The following ASMT variants were observed in gnomAD, a reference collection of about 807,000 sequenced individuals.
ASMT encodes the protein acetylserotonin N-methyltransferase.
A neutral mutation model predicts 41.3 loss-of-function variants in ASMT; 53 were observed. The ratio of observed to expected loss-of-function variants is 1.28; its 90% CI spans 1.03 to 1.61. The LOEUF (loss-of-function observed/expected upper bound fraction) is 1.61, where lower values mean the gene tolerates loss of function less well. Among genes scored for constraint, ASMT ranks in the 40% most tolerant of loss-of-function variants. The pLI is 0.00. For missense variants in ASMT, 531 were observed against 441.3 expected, an observed-to-expected ratio of 1.20 and a Z score of -1.82; for synonymous variants, 231 against 184.8, an observed-to-expected ratio of 1.25 and a Z score of -2.03.
rs541895277 is a variant in ASMT, at chrX:1,615,409, G to A, written c.69+141G>A. The A allele has an allele frequency of 5.4e-5, 48 of 884,872 alleles. No individual in the cohort carries two copies. The South Asian group carries it at 5.7e-4, about 10-fold the overall frequency. The allele number at this position is 884,872 out of a possible 1,614,324, so 54.8% of individuals were successfully genotyped here. The stretch of plus-strand genomic sequence containing the variant: ...TCCACCGTGAAAGACGTACACCCAC[G>A]ATGTAGCCTCAGGAGTTCCTGAGGA... On this transcript the variant is annotated intron_variant, in intron 1 of 8. Coordinates refer to ENST00000381241, the MANE Select transcript of ASMT (RefSeq NM_001171038.2).
At chrX:1,615,545 G>C (rs753420776) in intron 1 of ASMT, among the ~76,000 whole-genome samples, 2 of 152,186 alleles carry the variant, frequency 1.3e-5, no homozygotes, top group South Asian at 4.2e-4. Context: ...GCTCACACCT[G>C]TGATCCCAGC....
chrX:1,619,561 AATAATAATAATAAT>A (rs1482811490), intron 1 of ASMT, among the ~76,000 whole-genome samples: 2 of 141,454 alleles, frequency 1.4e-5, no homozygotes, highest in African/African-American at 5.5e-5. Flanking sequence ...TAATAATAAT[AATAATAATAATAAT>A]AATAATAATA....
chrX:1,624,154 G>A, intron 2 of ASMT, 115 bp from the exon 3 acceptor site: 1 of 1,379,470 alleles, frequency 7.2e-7, no homozygotes, highest in Non-Finnish European at 1.0e-6. Context: ...CATCTCTAAA[G>A]AAGAGATGGG....
At chrX:1,635,037 G>T (rs7877431) in intron 7 of ASMT, among the ~76,000 whole-genome samples, 8,683 of 131,484 alleles carry the variant, frequency 0.066, 458 homozygotes, top group South Asian at 0.13. Context: ...TGCAGTGGTG[G>T]GATCTCGGCT....
At chrX:1,627,824 T>G in intron 4 of ASMT, 53 bp downstream of exon 4, 1 of 1,548,276 alleles carries the variant, frequency 6.5e-7, no homozygotes, top group Non-Finnish European at 8.9e-7. Flanking sequence ...TGTTTATTTT[T>G]AAAGGACTTA....
At chrX:1,632,926 G>T in intron 6 of ASMT, 139 bp downstream of exon 6, 1 of 635,798 alleles carries the variant, frequency 1.6e-6, no homozygotes, top group Non-Finnish European at 2.9e-6. Context: ...CGAGTCGATG[G>T]GTGCAGCAAA....
chrX:1,629,860 G>A lies in ASMT; in HGVS notation c.483G>A (p.Gln161=), dbSNP rs1934704334. 1.9e-6 allele frequency: 3 copies of A among 1,614,008 alleles called. No homozygotes were observed. Among genetic ancestry groups the A allele is most frequent in the Non-Finnish European group, 2.5e-6 (3 of 1,179,878 alleles). ...GGCTACAGTTCATGCAAGCTCTGCA[G>A]GAGGTCTGGAGCGTCAACGGGAGAA... is the stretch of plus-strand genomic sequence containing the variant. ...GERLQFMQAL[Q]EVWSVNGRSV... Residue 161 remains glutamine, a synonymous_variant, in exon 5 of 9, where the codon CAG becomes CAA. Coordinates refer to ENST00000381241, the MANE Select transcript of ASMT (RefSeq NM_001171038.2).
At chrX:1,615,757 G>T (rs191490685) in intron 1 of ASMT, among the ~76,000 whole-genome samples, 2 of 151,516 alleles carry the variant, frequency 1.3e-5, no homozygotes, top group South Asian at 2.1e-4. Context: ...AGCCGAGATC[G>T]CACCACTGCA....
Position 1,623,863 on chromosome X carries a change from G to A in ASMT, c.245-406G>A, listed in dbSNP as rs771876962. The stretch of plus-strand genomic sequence containing the variant: ...AGGATTTCGTCACGTTGGCCAGGCC[G>A]GTCTCGAGCTCCTGACCTCAGGTGA... On this transcript the variant is annotated intron_variant, in intron 2 of 8. Transcript: ENST00000381241. Among the ~76,000 whole-genome samples, 8 of 152,112 alleles carry A rather than the reference G, an allele frequency of 5.3e-5. No individual in the cohort carries two copies. The South Asian group carries it at 1.5e-3, about 28-fold the overall frequency.
Position 1,629,937 on chromosome X carries a change from G to C in ASMT, c.560G>C (p.Gly187Ala). The part of the protein sequence containing the change: ...LSVFPLMCDL[G>A]GTWIKLETII... Reference sequence around the variant, plus strand: ...GTGTTCCCACTTATGTGTGACCTTGGTGGTAAGTACCCCTCACCACTAATA... The same window carrying C: ...GTGTTCCCACTTATGTGTGACCTTGCTGGTAAGTACCCCTCACCACTAATA... Residue 187 changes from glycine to alanine, a missense_variant and splice_region_variant, in exon 5 of 9, where the codon GGT becomes GCT. Physicochemically the swap from Gly to Ala is moderately conservative, Grantham distance 60. Transcript: ENST00000381241. The C allele has an allele frequency of 6.2e-7, 1 of 1,613,336 alleles. No homozygotes were observed.
chrX:1,632,772 G>A lies in ASMT; in HGVS notation c.631G>A (p.Val211Met), dbSNP rs1464275912. 2.8e-5 allele frequency: 10 copies of A among 358,124 alleles called. No individual in the cohort carries two copies. The highest frequency in any genetic ancestry group is 8.3e-5 in the African/African-American group (4 of 48,484). The allele number at this position is 358,124 out of a possible 1,614,324, so 22.2% of individuals were successfully genotyped here. Reference sequence around the variant, plus strand: ...GCAAGGACAGAAAACCAAACACCGCGTGTTCTCACTCATAGGTGGGAACTG... The same window carrying A: ...GCAAGGACAGAAAACCAAACACCGCATGTTCTCACTCATAGGTGGGAACTG... ...LSQGQKTKHRVFSLIGGAGAL... is the reference protein window; with the variant it reads ...LSQGQKTKHRMFSLIGGAGAL... The change falls in exon 6 of 9, where the codon GTG becomes ATG. Residue 211 changes from valine to methionine, a missense_variant. Val to Met is a conservative substitution (Grantham distance 21). Coordinates refer to ENST00000381241, the MANE Select transcript of ASMT (RefSeq NM_001171038.2).
At position 1,629,857 on chromosome X, in the gene ASMT, G is replaced by T; in HGVS notation, c.480G>T (p.Leu160=). The change falls in exon 5 of 9, where the codon CTG becomes CTT. Residue 160 remains leucine (L), a synonymous_variant. Transcript: ENST00000381241. The part of the protein sequence containing the change: ...EGERLQFMQA[L]QEVWSVNGRS... Reference sequence around the variant, plus strand: ...AGCGGCTACAGTTCATGCAAGCTCTGCAGGAGGTCTGGAGCGTCAACGGGA... The same window carrying T: ...AGCGGCTACAGTTCATGCAAGCTCTTCAGGAGGTCTGGAGCGTCAACGGGA... The T allele has an allele frequency of 1.9e-6, 3 of 1,613,974 alleles. No individual in the cohort carries two copies. The highest frequency in any genetic ancestry group is 2.5e-6 in the Non-Finnish European group (3 of 1,179,872).
At chrX:1,623,073 G>T in intron 1 of ASMT, 66 bp from the exon 2 acceptor site, 1 of 1,517,744 alleles carries the variant, frequency 6.6e-7, no homozygotes. Flanking sequence ...ATGGTATGGG[G>T]TGTTTCTAAG....
intron 5 of ASMT, among the ~76,000 whole-genome samples, chrX:1,630,809 C>T (rs1179837168): frequency 6.6e-6 from 1 of 152,040 alleles, no homozygotes; most frequent in East Asian, 1.9e-4. Context: ...CCTGCTGCCT[C>T]AGCCTCCAAA....
At chrX:1,616,578 G>C (rs1486630146) in intron 1 of ASMT, among the ~76,000 whole-genome samples, 2 of 151,372 alleles carry the variant, frequency 1.3e-5, no homozygotes, top group Non-Finnish European at 3.0e-5. Context: ...TGCTTGAAAA[G>C]GGTTAATGAT....
chrX:1,625,820 G>A (rs1934522918), intron 3 of ASMT, among the ~76,000 whole-genome samples: 1 of 151,790 alleles, frequency 6.6e-6, no homozygotes, highest in Non-Finnish European at 1.5e-5. Flanking sequence ...CGGGCGTGGT[G>A]GCGGGCGCCT....
At position 1,640,505 on chromosome X, in the gene ASMT, C is replaced by G. The variant is rs192842250; in HGVS notation, c.911-2298C>G. Among the ~76,000 whole-genome samples, 56 of 48,902 alleles carry G rather than the reference C, an allele frequency of 1.1e-3. 1 individual carries two copies. Among genetic ancestry groups the G allele is most frequent in the East Asian group, 9.6e-3 (4 of 418 alleles). 32.1% of individuals were successfully genotyped at this position (48,902 alleles called of 152,430 possible). A position where few individuals can be genotyped will look rare whatever the true frequency, so the allele number is the denominator to read the frequency against. On this transcript the variant is annotated intron_variant, in intron 8 of 8. Transcript: ENST00000381241. ...CCTGTGAGGTCCACCCATCCTGATG[C>G]TTCATGAGGACGTGGGCACAGCCTC...
At chrX:1,630,259 G>A (rs1384019887) in intron 5 of ASMT, among the ~76,000 whole-genome samples, 15 of 149,498 alleles carry the variant, frequency 1.0e-4, no homozygotes, top group African/African-American at 2.5e-4. Flanking sequence ...TCAGCCTCCC[G>A]AGTAGCTGGG....
chrX:1,628,942 CTT>C (rs57688916), intron 4 of ASMT, among the ~76,000 whole-genome samples: 53,030 of 143,118 alleles, frequency 0.37, 9,678 homozygotes, highest in Middle Eastern at 0.46. Flanking sequence ...TTCTCTCTCT[CTT>C]TCTTTCTTTC....
Sources: gnomAD v4.1 joint callset for allele counts (sites outside exome capture counted in the v4.1 genomes callset) on GRCh38, gnomAD v4.1.1 for gene constraint, MANE v1.5 for transcripts, NCBI Gene and HGNC (gene_info 2026-07-23, HGNC 2026-07-21) for gene names.